TPP2: variants seen among roughly 807,000 people sequenced by gnomAD.
TPP2 encodes the protein tripeptidyl-peptidase 2.
TPP2 carries 34 observed loss-of-function variants against 155.9 expected under a neutral mutation model. The ratio of observed to expected loss-of-function variants is 0.22; its 90% CI spans 0.17 to 0.29. The LOEUF (loss-of-function observed/expected upper bound fraction) is 0.29. Among genes scored for constraint, TPP2 ranks in the 10% least tolerant of loss-of-function variants. The probability of loss-of-function intolerance (pLI) is 1.00; values close to 1 mark genes in which losing one functional copy is unlikely to be tolerated. For missense variants in TPP2, 1,028 were observed against 1,522.3 expected (o/e 0.68, Z 5.40); for synonymous variants, 510 against 529.4 (o/e 0.96, Z 0.50).
At chr13:102,629,422 C>G in intron 8 of TPP2, 60 bp from the exon 9 acceptor site, 1 of 1,418,908 alleles carries the variant, frequency 7.0e-7, no homozygotes, top group South Asian at 1.8e-5. Flanking sequence ...GGTTTTGGTA[C>G]TATATACACT....
intron 4 of TPP2, among the ~76,000 whole-genome samples, chr13:102,617,535 G>A (rs773974087): frequency 1.3e-4 from 20 of 152,080 alleles, no homozygotes; most frequent in Non-Finnish European, 1.3e-4. Context: ...GTAATTATTG[G>A]CCAAGATAAT....
chr13:102,654,606 G>A (rs1215743729), intron 24 of TPP2, among the ~76,000 whole-genome samples: 1 of 152,148 alleles, frequency 6.6e-6, no homozygotes, highest in Non-Finnish European at 1.5e-5. Flanking sequence ...TAGGCTGCCT[G>A]CCTAAGAGCA....
intron 1 of TPP2, 64 bp downstream of exon 1, chr13:102,597,267 C>G (rs956963160): frequency 4.2e-5 from 41 of 979,420 alleles, no homozygotes; most frequent in Non-Finnish European, 5.0e-5. Flanking sequence ...GGTGGGGACA[C>G]AGTCTCGGAG....
At chr13:102,604,757 A>G (rs746699379) in intron 1 of TPP2, 36 bp from the exon 2 acceptor site, 1 of 1,598,080 alleles carries the variant, frequency 6.3e-7, no homozygotes, top group East Asian at 2.2e-5. Context: ...AAAACCTAAA[A>G]TCTACCATTC....
chr13:102,665,067 C>A, intron 27 of TPP2, 142 bp downstream of exon 27: 1 of 1,052,484 alleles, frequency 9.5e-7, no homozygotes, highest in Non-Finnish European at 1.3e-6. Context: ...TTTGGATACT[C>A]CCCTCCTTAG....
At chr13:102,612,901 G>A (rs560991583) in intron 2 of TPP2, among the ~76,000 whole-genome samples, 2 of 152,254 alleles carry the variant, frequency 1.3e-5, no homozygotes, top group South Asian at 2.1e-4. Flanking sequence ...ATGATTTTCT[G>A]TAATGTCTGT....
At chr13:102,645,273 T>G (rs987510279) in intron 19 of TPP2, among the ~76,000 whole-genome samples, 1 of 152,238 alleles carries the variant, frequency 6.6e-6, no homozygotes, top group Middle Eastern at 3.2e-3. Flanking sequence ...TTTTTATTTC[T>G]TGCTGTAAAA....
chr13:102,641,979 A>AT (rs779903885), intron 16 of TPP2, among the ~76,000 whole-genome samples: 3 of 152,136 alleles, frequency 2.0e-5, no homozygotes, highest in Non-Finnish European at 4.4e-5. Context: ...AGAGAACTGG[A>AT]TTAGAGGGAG....
chr13:102,628,070 C>G lies in TPP2; in HGVS notation c.1016+146C>G, dbSNP rs77254603. ...TAACTGTGTTCAAGAGGACTTTCAT[C>G]CTCTTGAAGTCCTGTTTGGCTCGTA... On this transcript the variant is annotated intron_variant, in intron 8 of 29. Transcript: ENST00000376052. The G allele has an allele frequency of 6.1e-6, 4 of 655,282 alleles. No individual in the cohort carries two copies. The East Asian group carries it at 8.5e-5, about 14-fold the overall frequency. 40.6% of individuals were successfully genotyped at this position (655,282 alleles called of 1,614,324 possible).
Position 102,676,420 on chromosome 13 carries a change from G to A in TPP2, c.3699+5G>A. On this transcript the variant is annotated splice_donor_5th_base_variant and intron_variant, in intron 29 of 29. Coordinates refer to ENST00000376052, the MANE Select transcript of TPP2 (RefSeq NM_001330588.2). ...AACTGGAAAAATTGTATTCAAGTAA[G>A]TGATATTTAAAATGTCACTGTTAAG... 6.2e-7 allele frequency: 1 copy of A among 1,607,728 alleles called. No homozygotes were observed.
At chr13:102,646,171 T>C (rs1371682213) in intron 19 of TPP2, 123 bp from the exon 20 acceptor site, 10 of 607,760 alleles carry the variant, frequency 1.6e-5, no homozygotes, top group Non-Finnish European at 2.8e-5. Flanking sequence ...CTGAAAAGGA[T>C]AGCTCTCAGG....
At chr13:102,675,658 GATCATTC>G (rs1885239542) in intron 28 of TPP2, among the ~76,000 whole-genome samples, 1 of 152,114 alleles carries the variant, frequency 6.6e-6, no homozygotes. Context: ...AATTGTTATA[GATCATTC>G]TATTTTTGCA....
Position 102,618,857 on chromosome 13 carries a change from T to C in TPP2, c.620+11T>C, listed in dbSNP as rs1213148117. On this transcript the variant is annotated intron_variant, in intron 5 of 29. Coordinates refer to ENST00000376052, the MANE Select transcript of TPP2 (RefSeq NM_001330588.2). Reference sequence around the variant, plus strand: ...TGGCGAAGTCTGGAGGTAAACTTCGTGTATTTTATACATCTTCATTTACAA... The same window carrying C: ...TGGCGAAGTCTGGAGGTAAACTTCGCGTATTTTATACATCTTCATTTACAA... 3 of 1,599,356 alleles carry C rather than the reference T, an allele frequency of 1.9e-6. No individual in the cohort carries two copies. Among genetic ancestry groups the C allele is most frequent in the South Asian group, 2.3e-5 (2 of 88,064 alleles).
chr13:102,661,968 G>T lies in TPP2; in HGVS notation c.3144-1680G>T, dbSNP rs982403865. ...AAAACCTATATTCACACAAAAACATGTTGATGACAGTTTATAGCAGCATTA... is the reference window on the plus strand; with the variant it reads ...AAAACCTATATTCACACAAAAACATTTTGATGACAGTTTATAGCAGCATTA... On this transcript the variant is annotated intron_variant, in intron 25 of 29. Coordinates refer to ENST00000376052, the MANE Select transcript of TPP2 (RefSeq NM_001330588.2). 2.0e-5 allele frequency among the ~76,000 whole-genome samples: 3 copies of T among 152,156 alleles called. 1 individual carries two copies. Among genetic ancestry groups the T allele is most frequent in the African/African-American group, 7.2e-5 (3 of 41,438 alleles).
At chr13:102,655,631 G>C (rs1165466302) in intron 24 of TPP2, among the ~76,000 whole-genome samples, 1 of 152,096 alleles carries the variant, frequency 6.6e-6, no homozygotes, top group Non-Finnish European at 1.5e-5. Context: ...TTTCTCTGCT[G>C]CTGTCTTCAA....
chr13:102,636,424 T>G, intron 13 of TPP2, 32 bp downstream of exon 13: 2 of 1,591,466 alleles, frequency 1.3e-6, no homozygotes, highest in South Asian at 2.3e-5. Context: ...AGCTGACGTA[T>G]TCACATTTGC....
intron 24 of TPP2, among the ~76,000 whole-genome samples, chr13:102,655,779 T>C (rs1437580364): frequency 6.6e-6 from 1 of 152,032 alleles, no homozygotes; most frequent in Non-Finnish European, 1.5e-5. Context: ...TGCTGCCGGG[T>C]TTTCAGTTCC....
At position 102,655,005 on chromosome 13, in the gene TPP2, C is replaced by T. The variant is rs751275092; in HGVS notation, c.2992-2051C>T. 13 of 509,964 alleles carry T rather than the reference C, an allele frequency of 2.5e-5. No individual in the cohort carries two copies. The East Asian group carries it at 6.7e-4, about 26-fold the overall frequency. 31.6% of individuals were successfully genotyped at this position (509,964 alleles called of 1,614,324 possible). On this transcript the variant is annotated intron_variant, in intron 24 of 29. Transcript: ENST00000376052. Reference sequence around the variant, plus strand: ...GTTTCCTTTTCCCAGTCTCATGTTTCACGTGAGGCCTTTGTTTACAGGTTC... The same window carrying T: ...GTTTCCTTTTCCCAGTCTCATGTTTTACGTGAGGCCTTTGTTTACAGGTTC...
intron 20 of TPP2, 125 bp downstream of exon 20, chr13:102,646,515 C>T (rs927523444): frequency 1.7e-6 from 1 of 596,590 alleles, no homozygotes; most frequent in Non-Finnish European, 2.7e-6. Context: ...AAGTGATTAA[C>T]AGTTAATTTG....
Sources: allele counts gnomAD v4.1 joint callset (sites outside exome capture counted in the v4.1 genomes callset), GRCh38; gene constraint gnomAD v4.1.1; transcripts MANE v1.5; gene names NCBI Gene and HGNC (gene_info 2026-07-23, HGNC 2026-07-21).